The following PHLDB2 variants were observed in gnomAD, a reference collection of about 807,000 sequenced individuals.
PHLDB2 encodes pleckstrin homology like domain family B member 2.
PHLDB2 carries 71 observed loss-of-function variants against 123.6 expected under a neutral mutation model. The observed-to-expected ratio is 0.57, with a 90% CI of 0.47 to 0.70. The LOEUF is 0.70. Ranked by LOEUF, PHLDB2 falls within the 30% of genes least tolerant of loss-of-function variation. The probability of loss-of-function intolerance (pLI) is 0.00; values close to 1 mark genes in which losing one functional copy is unlikely to be tolerated. For missense variants in PHLDB2, 1,446 were observed against 1,519.5 expected, an observed-to-expected ratio of 0.95 and a Z score of 0.80; for synonymous variants, 547 against 541.6, an observed-to-expected ratio of 1.01 and a Z score of -0.14.
chr3:111,806,823 G>A (rs532967362), intron 1 of PHLDB2, among the ~76,000 whole-genome samples: 1 of 151,368 alleles, frequency 6.6e-6, no homozygotes, highest in East Asian at 1.9e-4. Context: ...TTTGAAATGG[G>A]GTTTCACTGT....
At chr3:111,863,831 T>A (rs2064945428) in intron 1 of PHLDB2, among the ~76,000 whole-genome samples, 1 of 152,216 alleles carries the variant, frequency 6.6e-6, no homozygotes, top group Admixed American at 6.5e-5. Flanking sequence ...CTTAATGAGT[T>A]TATGATTATC....
intron 9 of PHLDB2, among the ~76,000 whole-genome samples, chr3:111,946,638 G>A (rs1292250195): frequency 6.6e-6 from 1 of 152,238 alleles, no homozygotes; most frequent in Non-Finnish European, 1.5e-5. Flanking sequence ...GGTTGTGAAT[G>A]GAATGTCATG....
intron 1 of PHLDB2, among the ~76,000 whole-genome samples, chr3:111,867,585 A>G (rs142720884): frequency 0.014 from 2,154 of 152,308 alleles, 20 homozygotes; most frequent in Non-Finnish European, 0.023. Context: ...ATAATTTACA[A>G]TGTAACTCTA....
intron 8 of PHLDB2, among the ~76,000 whole-genome samples, chr3:111,943,074 A>G (rs1247076807): frequency 6.6e-6 from 1 of 152,116 alleles, no homozygotes; most frequent in African/African-American, 2.4e-5. Context: ...AAATGCAAAG[A>G]GCCTAGAACA....
intron 2 of PHLDB2, among the ~76,000 whole-genome samples, chr3:111,895,873 C>CCATCT (rs1553746643): frequency 0.18 from 26,027 of 148,022 alleles, 2,523 homozygotes; most frequent in Non-Finnish European, 0.22. Context: ...TCTATCTATC[C>CCATCT]ATCTATCTAT....
In PHLDB2 at chr3:111,828,871, A is replaced by C. The variant is rs542711560; in HGVS notation, c.-48-16950A>C. Among the ~76,000 whole-genome samples, 3 of 152,206 alleles carry C rather than the reference A, an allele frequency of 2.0e-5. No individual in the cohort carries two copies. In the East Asian group the frequency reaches 5.8e-4, roughly 29 times the overall value. On this transcript the variant is annotated intron_variant, in intron 1 of 17. Coordinates refer to the PHLDB2 transcript ENST00000393923. ...ATTTAATGAAACCTAGAAAACATCTATTGAGTCCCTGCCAAATGCCACACA... is the reference window on the plus strand; with the variant it reads ...ATTTAATGAAACCTAGAAAACATCTCTTGAGTCCCTGCCAAATGCCACACA...
intron 11 of PHLDB2, among the ~76,000 whole-genome samples, chr3:111,953,097 T>G (rs1338367348): frequency 1.3e-5 from 2 of 152,230 alleles, no homozygotes; most frequent in South Asian, 2.1e-4. Flanking sequence ...GAGCCTTTTA[T>G]GTGGATTGCT....
chr3:111,806,320 C>G (rs1295828286), intron 1 of PHLDB2, among the ~76,000 whole-genome samples: 1 of 152,112 alleles, frequency 6.6e-6, no homozygotes, highest in African/African-American at 2.4e-5. Flanking sequence ...CTGTGGCAGT[C>G]AATCCCCTCT....
intron 17 of PHLDB2, 25 bp downstream of exon 17, chr3:111,973,842 T>C (rs1201256823): frequency 1.4e-6 from 2 of 1,433,598 alleles, no homozygotes; most frequent in African/African-American, 1.4e-5. Context: ...TCTAAATTCC[T>C]ACAATTTGAA....
chr3:111,746,846 T>C (rs570632778), intron 1 of PHLDB2, among the ~76,000 whole-genome samples: 2 of 152,290 alleles, frequency 1.3e-5, no homozygotes, highest in African/African-American at 2.4e-5. Flanking sequence ...TTTTGAAGAC[T>C]AAAAGGACAT....
rs902262085 is a variant in PHLDB2, at chr3:111,763,381, G to A, written c.-49+30678G>A. On this transcript the variant is annotated intron_variant, in intron 1 of 17. Transcript: ENST00000393923. ...CACCTCTACCACTTTCTAGCTGGGTGACCTAGGGCAATTTACTCACACTCT... is the reference window on the plus strand; with the variant it reads ...CACCTCTACCACTTTCTAGCTGGGTAACCTAGGGCAATTTACTCACACTCT... 3.3e-5 allele frequency among the ~76,000 whole-genome samples: 5 copies of A among 152,242 alleles called. No homozygotes were observed. The East Asian group carries it at 9.7e-4, about 29-fold the overall frequency.
intron 1 of PHLDB2, among the ~76,000 whole-genome samples, chr3:111,821,936 C>T (rs569134577): frequency 3.7e-4 from 56 of 152,264 alleles, no homozygotes; most frequent in Non-Finnish European, 5.6e-4. Flanking sequence ...AAACTTCAGG[C>T]TTTATTTTCA....
At chr3:111,959,217 C>T (rs1266326080) in intron 12 of PHLDB2, among the ~76,000 whole-genome samples, 1 of 152,252 alleles carries the variant, frequency 6.6e-6, no homozygotes, top group Non-Finnish European at 1.5e-5. Context: ...TTTGGAATCA[C>T]ACTGGTTCAA....
chr3:111,789,316 T>C (rs2060816410), intron 1 of PHLDB2, among the ~76,000 whole-genome samples: 1 of 152,194 alleles, frequency 6.6e-6, no homozygotes, highest in African/African-American at 2.4e-5. Context: ...AATAATATGC[T>C]CTCTATGGGA....
In PHLDB2 at chr3:111,884,362, T is replaced by A. The variant is rs143842700; in HGVS notation, c.285T>A (p.Ser95=). ...AAATCCAGGGAAGCAAGCAGTTCTC[T>A]TATGATGGAACTGACAAAAATATTC... ...LAKIQGSKQF[S]YDGTDKNIPM... The change falls in exon 2 of 18, where the codon TCT becomes TCA. Residue 95 remains serine, a synonymous_variant. Coordinates refer to ENST00000431670, the MANE Select transcript of PHLDB2 (RefSeq NM_001134438.2). 1.7e-5 allele frequency: 27 copies of A among 1,614,108 alleles called. No homozygotes were observed. In the East Asian group the frequency reaches 6.0e-4, roughly 36 times the overall value.
At chr3:111,751,774 T>C (rs4300984) in intron 1 of PHLDB2, among the ~76,000 whole-genome samples, 142,274 of 151,886 alleles carry the variant, frequency 0.94, 66,680 homozygotes, top group East Asian at 1. Flanking sequence ...ACCAACATGG[T>C]ACATGTATAC....
At position 111,848,294 on chromosome 3, in the gene PHLDB2, G is replaced by A. The variant is rs1471978740; in HGVS notation, c.67+2359G>A. Among the ~76,000 whole-genome samples the A allele has an allele frequency of 2.6e-5, 4 of 152,244 alleles. No individual in the cohort carries two copies. In the South Asian group the frequency reaches 8.3e-4, roughly 32 times the overall value. ...ATTACCAGTGAATTATTCATCAAGG[G>A]TAAGGTTACCCCCCGCCACCTGCCA... On this transcript the variant is annotated intron_variant, in intron 2 of 17. Coordinates refer to the PHLDB2 transcript ENST00000393923.
intron 1 of PHLDB2, among the ~76,000 whole-genome samples, chr3:111,807,305 G>C (rs979461570): frequency 1.3e-5 from 2 of 152,132 alleles, no homozygotes; most frequent in African/African-American, 4.8e-5. Flanking sequence ...TTGCTGACTA[G>C]AAAATCACTT....
chr3:111,862,066 T>C (rs2108655752), intron 1 of PHLDB2, among the ~76,000 whole-genome samples: 1 of 152,328 alleles, frequency 6.6e-6, no homozygotes, highest in South Asian at 2.1e-4. Flanking sequence ...GGTCTCAAAC[T>C]CTTAACCTCA....
Sources: allele counts gnomAD v4.1 joint callset (sites outside exome capture counted in the v4.1 genomes callset), GRCh38; gene constraint gnomAD v4.1.1; transcripts MANE v1.5; gene names NCBI Gene and HGNC (gene_info 2026-07-23, HGNC 2026-07-21).